The following PPP2R3B variants were observed in gnomAD, a reference collection of about 807,000 sequenced individuals.
PPP2R3B encodes serine/threonine-protein phosphatase 2A regulatory subunit B'' subunit beta.
PPP2R3B carries 68 observed loss-of-function variants against 72.9 expected under a neutral mutation model. That is an observed-to-expected ratio of 0.93 (90% CI 0.77 to 1.14). PPP2R3B has a LOEUF of 1.14. PPP2R3B is among the 50% of genes most tolerant of loss of function. PPP2R3B has a pLI of 0.00. For missense variants in PPP2R3B, 1,018 were observed against 842.0 expected (o/e 1.21, Z -2.59); for synonymous variants, 466 against 375.8 (o/e 1.24, Z -2.78).
Position 361,489 on chromosome X carries a change from A to G in PPP2R3B, c.426T>C (p.Asp142=). 6.2e-7 allele frequency: 1 copy of G among 1,614,018 alleles called. No individual in the cohort carries two copies. The highest frequency in any genetic ancestry group is 8.5e-7 in the Non-Finnish European group (1 of 1,179,870). ...TGCTCTCGATCTTGCTGATGACGGC[A>G]TCCACGTTGACGGAGTCCTGCGGGC... is the stretch of plus-strand genomic sequence containing the variant. The part of the protein sequence containing the change: ...RGRPQDSVNV[D]AVISKIESTF... The change falls in exon 2 of 13, where the codon GAT becomes GAC. Residue 142 remains aspartate, a synonymous_variant. Coordinates refer to ENST00000390665, the MANE Select transcript of PPP2R3B (RefSeq NM_013239.5).
Position 376,475 on chromosome X carries a change from G to T in PPP2R3B, c.324+9893C>A, listed in dbSNP as rs183060907. Among the ~76,000 whole-genome samples the T allele has an allele frequency of 1.5e-3, 219 of 150,814 alleles. 1 individual carries two copies. The highest frequency in any genetic ancestry group is 5.2e-3 in the African/African-American group (210 of 40,200). ...CCACTACCGTGTACAGGGACGGGCCGTCCACAGTGGGGCCGCCATGGGGCT... is the reference window on the plus strand; with the variant it reads ...CCACTACCGTGTACAGGGACGGGCCTTCCACAGTGGGGCCGCCATGGGGCT... On this transcript the variant is annotated intron_variant, in intron 1 of 12. Transcript: ENST00000390665.
chrX:386,343 G>A (rs1229826842), intron 1 of PPP2R3B, 25 bp downstream of exon 1: 7 of 1,307,000 alleles, frequency 5.4e-6, no homozygotes, highest in African/African-American at 4.5e-5. Flanking sequence ...CTGCGCAGTT[G>A]TTAGCAGAAG....
In PPP2R3B at chrX:346,164, C is replaced by T. The variant is rs1021990286; in HGVS notation, c.879+10G>A. 1.3e-5 allele frequency: 20 copies of T among 1,546,648 alleles called. No individual in the cohort carries two copies. Among genetic ancestry groups the T allele is most frequent in the African/African-American group, 4.1e-5 (3 of 72,314 alleles). On this transcript the variant is annotated intron_variant, in intron 6 of 12. Transcript: ENST00000390665. The stretch of plus-strand genomic sequence containing the variant: ...AGGCAGGGGGCAGGGGACAGGGGGC[C>T]GCTCCGCACCTGCAGGAAGGAGCTC...
At chrX:352,838 G>A (rs1456173067) in intron 2 of PPP2R3B, among the ~76,000 whole-genome samples, 1 of 151,260 alleles carries the variant, frequency 6.6e-6, no homozygotes, top group Non-Finnish European at 1.5e-5. Flanking sequence ...CTGCAGACAC[G>A]TAAAGATGTG....
At chrX:367,862 G>A (rs1392555898) in intron 1 of PPP2R3B, among the ~76,000 whole-genome samples, 1 of 152,040 alleles carries the variant, frequency 6.6e-6, no homozygotes, top group Non-Finnish European at 1.5e-5. Context: ...TTTTGAGATG[G>A]AAAAAGAGCA....
chrX:334,887 A>C lies in PPP2R3B; in HGVS notation c.1578-370T>G, dbSNP rs771421406. Reference sequence around the variant, plus strand: ...TGGAGAACAAACAGGACCACAGTTTAGACACATTCTCCCAAAGCACAGAAG... The same window carrying C: ...TGGAGAACAAACAGGACCACAGTTTCGACACATTCTCCCAAAGCACAGAAG... On this transcript the variant is annotated intron_variant, in intron 12 of 12. Coordinates refer to ENST00000390665, the MANE Select transcript of PPP2R3B (RefSeq NM_013239.5). The C allele has an allele frequency of 1.0e-4, 23 of 220,958 alleles. 1 individual carries two copies. In the South Asian group the frequency reaches 2.3e-3, roughly 22 times the overall value. 13.7% of individuals were successfully genotyped at this position (220,958 alleles called of 1,614,324 possible).
At chrX:346,512 C>A in intron 5 of PPP2R3B, 189 bp downstream of exon 5, 1 of 654,168 alleles carries the variant, frequency 1.5e-6, no homozygotes, top group South Asian at 2.0e-5. Flanking sequence ...GCGGCCACCC[C>A]GGAAAACCAG....
chrX:369,151 T>G (rs2071800425), intron 1 of PPP2R3B, among the ~76,000 whole-genome samples: 1 of 152,120 alleles, frequency 6.6e-6, no homozygotes, highest in Non-Finnish European at 1.5e-5. Flanking sequence ...GCCCCAAACG[T>G]AGCCGGTGAG....
At chrX:339,141 G>A (rs1300555931) in intron 10 of PPP2R3B, among the ~76,000 whole-genome samples, 1 of 63,830 alleles carries the variant, frequency 1.6e-5, no homozygotes, top group Non-Finnish European at 3.9e-5. Context: ...TGCGTGGACT[G>A]GGACTAGCGC....
intron 12 of PPP2R3B, chrX:337,584 C>G (rs34955344): frequency 0.4 from 60,899 of 152,256 alleles, 13,368 homozygotes; most frequent in South Asian, 0.51. Flanking sequence ...CAGAGTCCAA[C>G]ACACGTTCCC....
In PPP2R3B at chrX:386,817, C is replaced by A; in HGVS notation, c.-126G>T. 1 of 455,486 alleles carries A rather than the reference C, an allele frequency of 2.2e-6. No homozygotes were observed. Among genetic ancestry groups the A allele is most frequent in the Non-Finnish European group, 3.2e-6 (1 of 316,826 alleles). The allele number at this position is 455,486 out of a possible 1,614,324, so 28.2% of individuals were successfully genotyped here. A position where few individuals can be genotyped will look rare whatever the true frequency, so the allele number is the denominator to read the frequency against. The stretch of plus-strand genomic sequence containing the variant: ...CGCTGAGGGGGCGCGGCGCAGGGAA[C>A]AGGGCCCGCGCCTCGGGAACTGCGC... On this transcript the variant is annotated 5_prime_UTR_variant, in exon 1 of 13. Transcript: ENST00000390665.
intron 2 of PPP2R3B, among the ~76,000 whole-genome samples, chrX:355,496 C>T (rs1287956700): frequency 2.6e-5 from 4 of 152,208 alleles, no homozygotes; most frequent in Non-Finnish European, 4.4e-5. Context: ...CTAAAATTCA[C>T]ACGGTGGGAA....
At chrX:359,904 GT>G (rs2071507636) in intron 2 of PPP2R3B, 2 of 488,052 alleles carry the variant, frequency 4.1e-6, no homozygotes, top group Admixed American at 2.4e-5. Flanking sequence ...TGTCTAGTTT[GT>G]TAGTGCTCAC....
intron 1 of PPP2R3B, among the ~76,000 whole-genome samples, chrX:368,104 C>CG (rs1170890310): frequency 6.6e-6 from 1 of 151,400 alleles, no homozygotes; most frequent in African/African-American, 2.4e-5. Flanking sequence ...CCACCCACCC[C>CG]GGGCACAGAC....
At chrX:371,817 A>AC (rs1212897864) in intron 1 of PPP2R3B, among the ~76,000 whole-genome samples, 25 of 44,600 alleles carry the variant, frequency 5.6e-4, no homozygotes, top group African/African-American at 2.3e-3. Flanking sequence ...CCCCAACACC[A>AC]CCCCCACAAA....
intron 1 of PPP2R3B, among the ~76,000 whole-genome samples, chrX:383,912 G>T (rs1001007700): frequency 1.1e-4 from 16 of 149,526 alleles, no homozygotes; most frequent in African/African-American, 3.4e-4. Flanking sequence ...ATGACTGGAT[G>T]GGAGTTTGGA....
chrX:360,728 C>T (rs1357528055), intron 2 of PPP2R3B, among the ~76,000 whole-genome samples: 1 of 152,152 alleles, frequency 6.6e-6, no homozygotes, highest in Admixed American at 6.5e-5. Flanking sequence ...GGGTAGGAGG[C>T]TGGAGATGCG....
chrX:350,618 G>T (rs748564157), intron 2 of PPP2R3B, among the ~76,000 whole-genome samples: 1 of 152,234 alleles, frequency 6.6e-6, no homozygotes, highest in South Asian at 2.1e-4. Flanking sequence ...CACTGGCGCC[G>T]GCGAGGGCAG....
At chrX:371,545 C>G (rs1377933411) in intron 1 of PPP2R3B, among the ~76,000 whole-genome samples, 2 of 152,104 alleles carry the variant, frequency 1.3e-5, no homozygotes, top group African/African-American at 4.8e-5. Flanking sequence ...GAAGATCAAG[C>G]TCAGGAGCAC....
Sources: allele counts gnomAD v4.1 joint callset (sites outside exome capture counted in the v4.1 genomes callset), GRCh38; gene constraint gnomAD v4.1.1; transcripts MANE v1.5; gene names NCBI Gene and HGNC (gene_info 2026-07-23, HGNC 2026-07-21).